NT5M: variants seen among roughly 807,000 people sequenced by gnomAD.
The protein encoded by NT5M is 5',3'-nucleotidase, mitochondrial.
Under a neutral mutation model 22.2 loss-of-function variants are expected in NT5M, and 22 were observed. The observed-to-expected ratio is 0.99, with a 90% confidence interval of 0.71 to 1.41. The LOEUF (loss-of-function observed/expected upper bound fraction) is 1.41, where lower values mean the gene tolerates loss of function less well. NT5M is among the 40% of genes most tolerant of loss of function. NT5M has a pLI of 0.00. For synonymous variants in NT5M, 167 were observed against 133.0 expected, an observed-to-expected ratio of 1.26 and a Z score of -1.76; for missense variants, 322 against 314.8, an observed-to-expected ratio of 1.02 and a Z score of -0.17.
intron 3 of NT5M, among the ~76,000 whole-genome samples, chr17:17,332,470 C>T (rs897093167): frequency 9.9e-5 from 15 of 152,142 alleles, no homozygotes; most frequent in Admixed American, 7.9e-4. Flanking sequence ...TTGGAGAGAG[C>T]GCCTCCCCTG....
In NT5M at chr17:17,347,357, C is replaced by T. The variant is rs530940164; in HGVS notation, c.*410C>T. Reference sequence around the variant, plus strand: ...CCATCAGCAAGGAGGACCAGGAACCCGGCGACTGAGGTGCTTCCAGGTGGG... The same window carrying T: ...CCATCAGCAAGGAGGACCAGGAACCTGGCGACTGAGGTGCTTCCAGGTGGG... On this transcript the variant is annotated 3_prime_UTR_variant, in exon 5 of 5. Coordinates refer to ENST00000389022, the MANE Select transcript of NT5M (RefSeq NM_020201.4). 92 of 181,282 alleles carry T rather than the reference C, an allele frequency of 5.1e-4. No individual in the cohort carries two copies. The highest frequency in any genetic ancestry group is 8.1e-5 in the Non-Finnish European group (7 of 86,666). 11.2% of individuals were successfully genotyped at this position (181,282 alleles called of 1,614,324 possible).
intron 2 of NT5M, among the ~76,000 whole-genome samples, chr17:17,322,125 G>A (rs1382765464): frequency 2.0e-5 from 3 of 152,098 alleles, no homozygotes; most frequent in African/African-American, 7.2e-5. Context: ...TGGTGATAGA[G>A]CAGGAATGGA....
At chr17:17,312,767 T>C (rs1298190550) in intron 2 of NT5M, among the ~76,000 whole-genome samples, 2 of 151,622 alleles carry the variant, frequency 1.3e-5, no homozygotes, top group East Asian at 3.9e-4. Flanking sequence ...GAGACCAGCC[T>C]GGGCAACACA....
chr17:17,329,612 G>C (rs2049334626), intron 3 of NT5M, among the ~76,000 whole-genome samples: 1 of 152,196 alleles, frequency 6.6e-6, no homozygotes, highest in South Asian at 2.1e-4. Flanking sequence ...GTGCTCTTCT[G>C]ATTTGAAGTC....
intron 3 of NT5M, among the ~76,000 whole-genome samples, chr17:17,341,672 C>T (rs900580187): frequency 1.3e-5 from 2 of 152,208 alleles, no homozygotes; most frequent in African/African-American, 4.8e-5. Context: ...GTGCTCATGG[C>T]TGGGCTCCAG....
intron 3 of NT5M, among the ~76,000 whole-genome samples, chr17:17,331,153 C>T (rs1176182225): frequency 6.6e-6 from 1 of 151,472 alleles, no homozygotes; most frequent in East Asian, 1.9e-4. Flanking sequence ...GTAAAGAAAC[C>T]CTAGGTTCTT....
rs1052282398 is a variant in NT5M at position 17,303,628 on chromosome 17, C to CGGGCT, written c.83_87dup (p.Leu30TrpfsTer61). 2 of 1,325,376 alleles carry CGGGCT rather than the reference C, an allele frequency of 1.5e-6. No homozygotes were observed. The highest frequency in any genetic ancestry group is 3.0e-5 in the African/African-American group (2 of 66,198). 82.1% of individuals were successfully genotyped at this position (1,325,376 alleles called of 1,614,324 possible). ...CCGCGGGGCGGCGCGGGGCGGCGGGCGGGCTGGGCCTGGCGGGAGGCCGCG... is the reference window on the plus strand; with the variant it reads ...CCGCGGGGCGGCGCGGGGCGGCGGGCGGGCTGGGCTGGGCCTGGCGGGAGGCCGCG... On this transcript the variant is annotated frameshift_variant, in exon 1 of 5. Coordinates refer to ENST00000389022, the MANE Select transcript of NT5M (RefSeq NM_020201.4). LOFTEE classifies it high-confidence loss of function.
chr17:17,324,136 A>C (rs893051262), intron 3 of NT5M, among the ~76,000 whole-genome samples: 1 of 149,410 alleles, frequency 6.7e-6, no homozygotes, highest in African/African-American at 2.4e-5. Context: ...CGGCCTCCCA[A>C]CGTGCTGGGA....
intron 2 of NT5M, among the ~76,000 whole-genome samples, chr17:17,312,967 G>T (rs933529758): frequency 2.2e-4 from 33 of 151,704 alleles, no homozygotes; most frequent in African/African-American, 7.3e-4. Context: ...GCAAGACCCC[G>T]TCTCTTAAAA....
chr17:17,326,948 G>A (rs2145388943), intron 3 of NT5M, among the ~76,000 whole-genome samples: 1 of 152,268 alleles, frequency 6.6e-6, no homozygotes, highest in South Asian at 2.1e-4. Flanking sequence ...GTCTCACTAT[G>A]TCACCCAGGC....
intron 3 of NT5M, chr17:17,333,604 A>G (rs1471149564): frequency 1.3e-5 from 2 of 151,920 alleles, no homozygotes; most frequent in Non-Finnish European, 2.9e-5. Flanking sequence ...TTTTCTCAAC[A>G]GAGTCTTTAG....
At chr17:17,336,109 TCTC>T (rs2049505385) in intron 3 of NT5M, among the ~76,000 whole-genome samples, 1 of 150,654 alleles carries the variant, frequency 6.6e-6, no homozygotes, top group Non-Finnish European at 1.5e-5. Context: ...TTCACACCAT[TCTC>T]CTGCCTCAGC....
At chr17:17,338,948 C>T (rs796875698) in intron 3 of NT5M, among the ~76,000 whole-genome samples, 14 of 151,838 alleles carry the variant, frequency 9.2e-5, no homozygotes, top group African/African-American at 2.2e-4. Flanking sequence ...AGGATGGTCT[C>T]GATTTCCTGA....
chr17:17,339,919 G>C (rs56387125), intron 3 of NT5M, among the ~76,000 whole-genome samples: 26,071 of 152,060 alleles, frequency 0.17, 2,270 homozygotes, highest in Non-Finnish European at 0.19. Flanking sequence ...ATTTATCAAT[G>C]ATATTGGCCT....
chr17:17,309,158 C>G (rs934689952), intron 2 of NT5M, among the ~76,000 whole-genome samples: 5 of 150,322 alleles, frequency 3.3e-5, no homozygotes, highest in Non-Finnish European at 7.4e-5. Flanking sequence ...GGGTCTTGCC[C>G]TATCTCAAAA....
chr17:17,329,401 C>G (rs916677061), intron 3 of NT5M, among the ~76,000 whole-genome samples: 1 of 152,212 alleles, frequency 6.6e-6, no homozygotes, highest in Admixed American at 6.5e-5. Context: ...CTCTGCTCCT[C>G]GGCCTCACTG....
intron 1 of NT5M, 178 bp downstream of exon 1, chr17:17,303,995 C>T: frequency 8.0e-7 from 1 of 1,243,108 alleles, no homozygotes; most frequent in Non-Finnish European, 1.0e-6. Flanking sequence ...GCCCCGCGCT[C>T]AGGATCTGTT....
intron 2 of NT5M, among the ~76,000 whole-genome samples, chr17:17,310,217 A>ATATATATAT (rs2048895698): frequency 6.6e-6 from 1 of 152,198 alleles, no homozygotes; most frequent in Non-Finnish European, 1.5e-5. Flanking sequence ...CTGATAAGAG[A>ATATATATAT]CTTGTATCTA....
intron 3 of NT5M, among the ~76,000 whole-genome samples, chr17:17,332,951 TAA>T (rs1490528111): frequency 6.6e-6 from 1 of 152,090 alleles, no homozygotes; most frequent in Non-Finnish European, 1.5e-5. Context: ...CTCTAAAAAA[TAA>T]AGTCTCTTAA....
Sources: gnomAD v4.1 joint callset for allele counts (sites outside exome capture counted in the v4.1 genomes callset) on GRCh38, gnomAD v4.1.1 for gene constraint, MANE v1.5 for transcripts, NCBI Gene and HGNC (gene_info 2026-07-23, HGNC 2026-07-21) for gene names.